RERG: variants seen among roughly 807,000 people sequenced by gnomAD.
The protein encoded by RERG is ras-related and estrogen-regulated growth inhibitor.
A neutral mutation model predicts 23.2 loss-of-function variants in RERG; 25 were observed. The observed-to-expected ratio is 1.08, with a 90% CI of 0.79 to 1.50. The LOEUF is 1.50. Among genes scored for constraint, RERG ranks in the 40% most tolerant of loss-of-function variants. The probability of loss-of-function intolerance (pLI) is 0.00; values close to 1 mark genes in which losing one functional copy is unlikely to be tolerated. For synonymous variants in RERG, 81 were observed against 89.1 expected, an observed-to-expected ratio of 0.91 and a Z score of 0.51; for missense variants, 253 against 250.1, an observed-to-expected ratio of 1.01 and a Z score of -0.08.
chr12:15,182,945 T>C (rs1054137699), intron 2 of RERG, among the ~76,000 whole-genome samples: 1 of 151,980 alleles, frequency 6.6e-6, no homozygotes, highest in African/African-American at 2.4e-5. Flanking sequence ...GGCATGGTGG[T>C]GTGTGCCTGT....
intron 2 of RERG, among the ~76,000 whole-genome samples, chr12:15,162,764 T>C (rs2136114991): frequency 6.6e-6 from 1 of 152,322 alleles, no homozygotes; most frequent in East Asian, 1.9e-4. Context: ...AAAGATGACC[T>C]AGTCCAATTC....
At chr12:15,180,775 C>T (rs998418915) in intron 2 of RERG, among the ~76,000 whole-genome samples, 1 of 152,146 alleles carries the variant, frequency 6.6e-6, no homozygotes, top group Non-Finnish European at 1.5e-5. Context: ...GGCTAAAAGC[C>T]TCACTTCTGA....
intron 3 of RERG, among the ~76,000 whole-genome samples, chr12:15,113,342 G>A (rs938659065): frequency 1.3e-5 from 2 of 151,976 alleles, no homozygotes; most frequent in African/African-American, 2.4e-5. Flanking sequence ...CAAAACCAAA[G>A]CATGGTGTTT....
At chr12:15,220,104 A>C (rs1865493477) in intron 1 of RERG, among the ~76,000 whole-genome samples, 1 of 152,242 alleles carries the variant, frequency 6.6e-6, no homozygotes, top group Non-Finnish European at 1.5e-5. Context: ...ATAAATATGT[A>C]AATTGTTGTA....
At chr12:15,208,082 C>A (rs930916040) in intron 2 of RERG, among the ~76,000 whole-genome samples, 1 of 152,074 alleles carries the variant, frequency 6.6e-6, no homozygotes, top group African/African-American at 2.4e-5. Flanking sequence ...TCATCCAATT[C>A]TTGGACGGCC....
rs756957206 is a variant in RERG at position 15,109,402 on chromosome 12, T to C, written c.308A>G (p.Asp103Gly). The C allele has an allele frequency of 6.8e-6, 11 of 1,613,934 alleles. No homozygotes were observed. The highest frequency in any genetic ancestry group is 9.3e-6 in the Non-Finnish European group (11 of 1,180,024). Reference sequence around the variant, plus strand: ...CACATTCTTGGGCTTTTTGATCTCATCTAGGATGTTCTTAAGTGGCAGCAC... The same window carrying C: ...CACATTCTTGGGCTTTTTGATCTCACCTAGGATGTTCTTAAGTGGCAGCAC... ...EEVLPLKNIL[D>G]EIKKPKNVTL... Residue 103 changes from aspartate to glycine, a missense_variant, in exon 5 of 5, where the codon GAT becomes GGT. By Grantham distance (94) the Asp-to-Gly change is moderately conservative (BLOSUM62 -1). Coordinates refer to ENST00000256953, the MANE Select transcript of RERG (RefSeq NM_032918.3).
intron 2 of RERG, among the ~76,000 whole-genome samples, chr12:15,128,745 G>A (rs1863991327): frequency 6.6e-6 from 1 of 152,124 alleles, no homozygotes; most frequent in Admixed American, 6.6e-5. Context: ...GCCTTATAAT[G>A]GTTTGTCTTC....
chr12:15,146,493 A>C (rs539560714), intron 2 of RERG, among the ~76,000 whole-genome samples: 16 of 152,310 alleles, frequency 1.1e-4, no homozygotes, highest in African/African-American at 3.8e-4. Context: ...TCCTTGCAAA[A>C]TAAGGTCGGT....
chr12:15,132,835 C>T (rs543928139), intron 2 of RERG, among the ~76,000 whole-genome samples: 60 of 151,930 alleles, frequency 3.9e-4, no homozygotes, highest in Non-Finnish European at 5.6e-4. Flanking sequence ...ATTTGCTATC[C>T]GTGTATCTTC....
At position 15,189,272 on chromosome 12, in the gene RERG, G is replaced by A. The variant is rs1369881059; in HGVS notation, c.61+28157C>T. ...ATAGTGACCTGCAAGAAGCTACATA[G>A]TTTCACCTCCCCAAGAATCTCTCTG... On this transcript the variant is annotated intron_variant, in intron 2 of 4. Transcript: ENST00000256953. Among the ~76,000 whole-genome samples the A allele has an allele frequency of 2.0e-5, 3 of 152,062 alleles. No individual in the cohort carries two copies. The East Asian group carries it at 5.8e-4, about 29-fold the overall frequency.
intron 2 of RERG, among the ~76,000 whole-genome samples, chr12:15,194,032 AG>A (rs1295032351): frequency 6.6e-6 from 1 of 152,170 alleles, no homozygotes; most frequent in Non-Finnish European, 1.5e-5. Flanking sequence ...AGGAAAAAAA[AG>A]TAAGTACCTT....
chr12:15,172,108 C>A (rs945313844), intron 2 of RERG, among the ~76,000 whole-genome samples: 2 of 152,000 alleles, frequency 1.3e-5, no homozygotes, highest in Non-Finnish European at 2.9e-5. Flanking sequence ...CAAAAAGAAA[C>A]CCCATATGCA....
chr12:15,152,129 G>C (rs1273306918), intron 2 of RERG: 1 of 152,178 alleles, frequency 6.6e-6, no homozygotes, highest in African/African-American at 2.4e-5. Context: ...AGGGAATATT[G>C]CCCACAGATG....
At chr12:15,164,962 T>C (rs1028634668) in intron 2 of RERG, among the ~76,000 whole-genome samples, 2 of 152,196 alleles carry the variant, frequency 1.3e-5, no homozygotes, top group Non-Finnish European at 2.9e-5. Context: ...GAGCAAATTG[T>C]CAATAATCCT....
chr12:15,112,913 CTAT>C, intron 3 of RERG, among the ~76,000 whole-genome samples: 1 of 152,128 alleles, frequency 6.6e-6, no homozygotes, highest in Non-Finnish European at 1.5e-5. Flanking sequence ...GGAAAAAGCT[CTAT>C]ATCTAAACCT....
Position 15,217,513 on chromosome 12 carries a change from C to G in RERG, c.-24G>C, listed in dbSNP as rs1000346815. The G allele has an allele frequency of 6.3e-7, 1 of 1,575,760 alleles. No individual in the cohort carries two copies. Among genetic ancestry groups the G allele is most frequent in the Non-Finnish European group, 8.7e-7 (1 of 1,145,232 alleles). ...ATGATGGGTGTTGGTAGACAATTTA[C>G]TGTTGTTAAAACTAAAGCACTGAGT... On this transcript the variant is annotated 5_prime_UTR_variant, in exon 2 of 5. Transcript: ENST00000256953.
intron 3 of RERG, among the ~76,000 whole-genome samples, chr12:15,113,278 A>G (rs1365285367): frequency 6.6e-6 from 1 of 152,172 alleles, no homozygotes; most frequent in East Asian, 1.9e-4. Context: ...AACAGAATAA[A>G]TTCAAGATAA....
chr12:15,169,549 C>T (rs1238021585), intron 2 of RERG, among the ~76,000 whole-genome samples: 1 of 152,156 alleles, frequency 6.6e-6, no homozygotes, highest in Admixed American at 6.5e-5. Context: ...GTGGACCTTT[C>T]CTGGGCCTCC....
intron 2 of RERG, among the ~76,000 whole-genome samples, chr12:15,168,266 A>G (rs1419522425): frequency 6.6e-6 from 1 of 152,204 alleles, no homozygotes; most frequent in Non-Finnish European, 1.5e-5. Flanking sequence ...AGCATCATTT[A>G]GCTTCTTCGT....
Sources: allele counts gnomAD v4.1 joint callset (sites outside exome capture counted in the v4.1 genomes callset), GRCh38; gene constraint gnomAD v4.1.1; transcripts MANE v1.5; gene names NCBI Gene and HGNC (gene_info 2026-07-23, HGNC 2026-07-21).